Variants in ADGRV1 observed in about 807,000 individuals in gnomAD.
ADGRV1 encodes G-protein coupled receptor 98.
In ADGRV1, 359 loss-of-function variants were observed where a neutral mutation model predicts 596.2. The observed-to-expected ratio is 0.60, with a 90% confidence interval of 0.55 to 0.66. ADGRV1 has a LOEUF of 0.66. Ranked by LOEUF, ADGRV1 falls within the 30% of genes least tolerant of loss-of-function variation. The probability of loss-of-function intolerance (pLI) is 0.00; values close to 1 mark genes in which losing one functional copy is unlikely to be tolerated. For synonymous variants in ADGRV1, 2,681 were observed against 2,679.2 expected (o/e 1.00, Z -0.02); for missense variants, 7,274 against 7,575.6 (o/e 0.96, Z 1.48).
intron 77 of ADGRV1, among the ~76,000 whole-genome samples, chr5:90,831,053 C>T (rs967831424): frequency 2.0e-5 from 3 of 152,054 alleles, no homozygotes; most frequent in African/African-American, 4.8e-5. Flanking sequence ...GGCTTTTGCA[C>T]GGGAACTACA....
At chr5:90,666,205 A>T (rs1771346074) in intron 21 of ADGRV1, among the ~76,000 whole-genome samples, 1 of 151,146 alleles carries the variant, frequency 6.6e-6, no homozygotes, top group Admixed American at 6.6e-5. Context: ...TCTAATGTTG[A>T]CAGTGGGGTG....
chr5:90,841,416 C>T (rs1290304682), intron 78 of ADGRV1, among the ~76,000 whole-genome samples: 2 of 152,128 alleles, frequency 1.3e-5, no homozygotes, highest in South Asian at 2.1e-4. Context: ...AATTATCACC[C>T]TCTGCTTGTT....
intron 34 of ADGRV1, among the ~76,000 whole-genome samples, chr5:90,699,045 G>T (rs541693647): frequency 3.3e-5 from 5 of 152,212 alleles, no homozygotes; most frequent in Admixed American, 1.3e-4. Flanking sequence ...GTCTTCAGGG[G>T]TTCCTCCTCA....
intron 85 of ADGRV1, among the ~76,000 whole-genome samples, chr5:91,034,717 G>A (rs548680229): frequency 2.7e-4 from 41 of 152,180 alleles, no homozygotes; most frequent in Admixed American, 9.2e-4. Context: ...GACTCCTTTT[G>A]TTTTTTTGCA....
At chr5:91,074,787 A>T (rs1788699499) in intron 86 of ADGRV1, among the ~76,000 whole-genome samples, 2 of 152,102 alleles carry the variant, frequency 1.3e-5, no homozygotes, top group Non-Finnish European at 2.9e-5. Flanking sequence ...TTACATTCCT[A>T]CCAGTAGTGT....
intron 72 of ADGRV1, among the ~76,000 whole-genome samples, chr5:90,806,610 GA>G (rs1190225902): frequency 2.0e-5 from 3 of 152,096 alleles, no homozygotes; most frequent in Non-Finnish European, 4.4e-5. Context: ...CTTATGTGTA[GA>G]AATATTGCTT....
chr5:90,949,865 T>G (rs1194010489), intron 83 of ADGRV1, among the ~76,000 whole-genome samples: 1 of 117,526 alleles, frequency 8.5e-6, no homozygotes, highest in Non-Finnish European at 1.9e-5. Context: ...CATTGACTCT[T>G]TGGAAGTGAC....
chr5:91,080,046 AAT>A (rs59848977), intron 86 of ADGRV1, among the ~76,000 whole-genome samples: 48 of 151,286 alleles, frequency 3.2e-4, no homozygotes, highest in East Asian at 1.2e-3. Flanking sequence ...ATCTCAGTTT[AAT>A]ATATATATAT....
chr5:90,963,825 G>T (rs1373317176), intron 83 of ADGRV1, among the ~76,000 whole-genome samples: 1 of 150,352 alleles, frequency 6.7e-6, no homozygotes, highest in African/African-American at 2.5e-5. Flanking sequence ...GGTACTTAAT[G>T]AATAGTTTCC....
chr5:90,675,832 G>A lies in ADGRV1; in HGVS notation c.5314-248G>A, dbSNP rs531622438. Among the ~76,000 whole-genome samples, 9 of 151,732 alleles carry A rather than the reference G, an allele frequency of 5.9e-5. 1 individual carries two copies. In the South Asian group the frequency reaches 1.9e-3, roughly 32 times the overall value. ...AGAAAAATAAAAAAAGAAAAGAAAAGAAAGAAAGAAAAAAGAAATAATCTA... is the reference window on the plus strand; with the variant it reads ...AGAAAAATAAAAAAAGAAAAGAAAAAAAAGAAAGAAAAAAGAAATAATCTA... On this transcript the variant is annotated intron_variant, in intron 24 of 89. Coordinates refer to ENST00000405460, the MANE Select transcript of ADGRV1 (RefSeq NM_032119.4).
At chr5:90,658,394 A>G in intron 21 of ADGRV1, 116 bp downstream of exon 21, 1 of 896,942 alleles carries the variant, frequency 1.1e-6, no homozygotes, top group Non-Finnish European at 1.6e-6. Context: ...CAAGTCCAGA[A>G]GTATGCTAGG....
At position 90,783,229 on chromosome 5, in the gene ADGRV1, G is replaced by C. The variant is rs768083900; in HGVS notation, c.13337G>C (p.Gly4446Ala). Residue 4446 changes from glycine (G) to alanine (A), a missense_variant, in exon 66 of 90, where the codon GGA (glycine) becomes GCA (alanine). Gly to Ala is a moderately conservative substitution (Grantham distance 60, BLOSUM62 0). Around this residue, in one of 5 missense-constraint regions of ADGRV1, gnomAD observed 3,643 missense variants for 3,809.2 expected, o/e 0.96. Transcript: ENST00000405460. The stretch of plus-strand genomic sequence containing the variant: ...TCTCAGAGCTCCTCTGCCAGTCCCG[G>C]AGGTGTTGATTACATTTTGCATGGC... ...FISQSSSASP[G>A]GVDYILHGST... The C allele has an allele frequency of 6.2e-7, 1 of 1,613,616 alleles. No homozygotes were observed. The highest frequency in any genetic ancestry group is 1.1e-5 in the South Asian group (1 of 91,078).
In ADGRV1 at chr5:90,728,843, C is replaced by G. The variant is rs1392335729; in HGVS notation, c.10336C>G (p.Gln3446Glu). The G allele has an allele frequency of 1.2e-6, 2 of 1,613,806 alleles. No homozygotes were observed. Among genetic ancestry groups the G allele is most frequent in the Admixed American group, 1.7e-5 (1 of 60,018 alleles). ...GTCTGGCAGTGGGTTTATTAACTTT[C>G]AAGAGGTGCCTGTCAGTGGGACAAC... The part of the protein sequence containing the change: ...RWSGSGFINF[Q>E]EVPVSGTTEV... The change falls in exon 49 of 90, where the codon CAA becomes GAA. Residue 3446 changes from glutamine (Q) to glutamate (E), a missense_variant. Physicochemically the swap from Gln to Glu is conservative, Grantham distance 29. Coordinates refer to ENST00000405460, the MANE Select transcript of ADGRV1 (RefSeq NM_032119.4).
At chr5:91,103,161 G>C (rs1400978319) in intron 87 of ADGRV1, among the ~76,000 whole-genome samples, 1 of 152,108 alleles carries the variant, frequency 6.6e-6, no homozygotes, top group Non-Finnish European at 1.5e-5. Context: ...TTTTAGGTTT[G>C]CACCTGAGCA....
At chr5:91,066,429 A>G (rs1787887768) in intron 85 of ADGRV1, among the ~76,000 whole-genome samples, 1 of 152,222 alleles carries the variant, frequency 6.6e-6, no homozygotes. Flanking sequence ...CAAGGGTAGA[A>G]TATAGTTCAT....
chr5:90,672,317 C>A (rs1348172952), intron 21 of ADGRV1, among the ~76,000 whole-genome samples: 1 of 152,084 alleles, frequency 6.6e-6, no homozygotes, highest in African/African-American at 2.4e-5. Flanking sequence ...CATTATAATT[C>A]TTTTTGCTTT....
intron 87 of ADGRV1, among the ~76,000 whole-genome samples, chr5:91,108,195 T>TA (rs1280046645): frequency 2.6e-5 from 4 of 152,202 alleles, no homozygotes; most frequent in African/African-American, 9.6e-5. Flanking sequence ...TTGGTTCATT[T>TA]AACTTAAAAA....
intron 83 of ADGRV1, among the ~76,000 whole-genome samples, chr5:90,866,644 T>C (rs574748993): frequency 6.6e-6 from 1 of 152,206 alleles, no homozygotes; most frequent in African/African-American, 2.4e-5. Context: ...TTTCTCTTTT[T>C]ATCCTCTTTA....
chr5:90,912,652 C>T (rs1454744189), intron 83 of ADGRV1, among the ~76,000 whole-genome samples: 1 of 152,022 alleles, frequency 6.6e-6, no homozygotes, highest in Non-Finnish European at 1.5e-5. Flanking sequence ...TTCTCCATAC[C>T]ATGGAGAACG....
Sources: gnomAD v4.1 joint callset for allele counts (sites outside exome capture counted in the v4.1 genomes callset) on GRCh38, gnomAD v4.1.1 for gene constraint, gnomAD v4.1.1 regional missense constraint, MANE v1.5 for transcripts, NCBI Gene and HGNC (gene_info 2026-07-23, HGNC 2026-07-21) for gene names.